ADGRL3: variants seen among roughly 807,000 people sequenced by gnomAD.
ADGRL3 encodes adhesion G protein-coupled receptor L3.
A neutral mutation model predicts 153.5 loss-of-function variants in ADGRL3; 62 were observed. The observed-to-expected ratio is 0.40, with a 90% CI of 0.33 to 0.50. The LOEUF (loss-of-function observed/expected upper bound fraction) is 0.50, where lower values mean the gene tolerates loss of function less well. ADGRL3 is among the 20% of genes least tolerant of loss of function. The pLI, the probability that ADGRL3 is intolerant of heterozygous loss-of-function variation, is 0.47. For missense variants in ADGRL3, 1,641 were observed against 1,859.4 expected (o/e 0.88, Z 2.16); for synonymous variants, 710 against 672.5 (o/e 1.06, Z -0.86).
At chr4:61,994,554 A>C (rs150145534) in intron 19 of ADGRL3, among the ~76,000 whole-genome samples, 1 of 151,916 alleles carries the variant, frequency 6.6e-6, no homozygotes, top group Non-Finnish European at 1.5e-5. Flanking sequence ...TAAACGTTAT[A>C]GCAAAGTAAA....
intron 1 of ADGRL3, among the ~76,000 whole-genome samples, chr4:61,323,736 C>G (rs1167815300): frequency 3.3e-5 from 5 of 152,196 alleles, no homozygotes; most frequent in Admixed American, 6.5e-5. Flanking sequence ...CAACAAGTCA[C>G]TAGGTGGTTC....
chr4:61,892,333 G>A (rs1009599497), intron 9 of ADGRL3, among the ~76,000 whole-genome samples: 1 of 152,020 alleles, frequency 6.6e-6, no homozygotes, highest in African/African-American at 2.4e-5. Context: ...TCATCTAATT[G>A]TCAAAAAGGC....
At chr4:61,855,542 T>A (rs1581162407) in intron 9 of ADGRL3, among the ~76,000 whole-genome samples, 2 of 152,274 alleles carry the variant, frequency 1.3e-5, no homozygotes, top group East Asian at 3.9e-4. Flanking sequence ...GAAATACTGA[T>A]AAACATTATT....
chr4:61,892,531 G>A, intron 9 of ADGRL3, 125 bp from the exon 10 acceptor site: 1 of 675,800 alleles, frequency 1.5e-6, no homozygotes, highest in Non-Finnish European at 2.5e-6. Flanking sequence ...AAATCAGGTT[G>A]AAGACTTCTA....
chr4:61,706,757 A>G (rs892685853), intron 6 of ADGRL3, among the ~76,000 whole-genome samples: 1 of 152,180 alleles, frequency 6.6e-6, no homozygotes, highest in Non-Finnish European at 1.5e-5. Context: ...TATCCAGTTC[A>G]CTAAAACTTT....
intron 2 of ADGRL3, among the ~76,000 whole-genome samples, chr4:61,465,140 G>A (rs926127296): frequency 2.0e-5 from 3 of 152,090 alleles, no homozygotes; most frequent in Admixed American, 6.6e-5. Flanking sequence ...TGATGAAAAA[G>A]CCTAGTTAAT....
chr4:61,464,554 TTTAA>T lies in ADGRL3; in HGVS notation c.-173-32562_-173-32559del, dbSNP rs1197084567. ...TTTAATTCAGACTTTTAGAAAATTT[TTTAA>T]TTAAAGTTTGAAAATCAGAGTCTTT... On this transcript the variant is annotated intron_variant, in intron 2 of 26. Transcript: ENST00000683033. 2.6e-5 allele frequency among the ~76,000 whole-genome samples: 4 copies of T among 152,304 alleles called. No individual in the cohort carries two copies. In the East Asian group the frequency reaches 7.7e-4, roughly 29 times the overall value.
chr4:61,434,523 T>A (rs920779692), intron 2 of ADGRL3, among the ~76,000 whole-genome samples: 2 of 152,128 alleles, frequency 1.3e-5, no homozygotes, highest in Admixed American at 1.3e-4. Context: ...ATTTTGATTT[T>A]GACCTTTTCT....
At chr4:61,239,367 T>C (rs1337188870) in intron 1 of ADGRL3, among the ~76,000 whole-genome samples, 1 of 152,148 alleles carries the variant, frequency 6.6e-6, no homozygotes, top group Non-Finnish European at 1.5e-5. Context: ...TAGCCATTAG[T>C]ATTCAAAGAG....
At chr4:61,595,078 T>C (rs2098983519) in intron 5 of ADGRL3, among the ~76,000 whole-genome samples, 1 of 152,286 alleles carries the variant, frequency 6.6e-6, no homozygotes, top group Admixed American at 6.5e-5. Flanking sequence ...TATTGCCTTC[T>C]GGCCTAGAGC....
chr4:61,744,618 C>T lies in ADGRL3; in HGVS notation c.1399+11064C>T, dbSNP rs191327902. 1.2e-3 allele frequency among the ~76,000 whole-genome samples: 179 copies of T among 152,308 alleles called. 3 individuals carry two copies. Among genetic ancestry groups the T allele is most frequent in the African/African-American group, 4.0e-3 (166 of 41,566 alleles). On this transcript the variant is annotated intron_variant, in intron 8 of 26. Transcript: ENST00000683033. ...CCAGGCAAACAGGGTCTGGAGTGGACTTCTAGAAAACTCCAACAGACCTGC... is the reference window on the plus strand; with the variant it reads ...CCAGGCAAACAGGGTCTGGAGTGGATTTCTAGAAAACTCCAACAGACCTGC...
intron 8 of ADGRL3, among the ~76,000 whole-genome samples, chr4:61,781,481 C>T (rs1419045098): frequency 6.6e-6 from 1 of 152,058 alleles, no homozygotes; most frequent in African/African-American, 2.4e-5. Context: ...AGTTTACTTC[C>T]AGAAATATTT....
chr4:61,637,091 G>C (rs2093456335), intron 5 of ADGRL3, among the ~76,000 whole-genome samples: 1 of 152,120 alleles, frequency 6.6e-6, no homozygotes, highest in African/African-American at 2.4e-5. Context: ...GAGAGCCACT[G>C]TTACAGGTTG....
chr4:61,830,206 C>T (rs747056295), intron 9 of ADGRL3, among the ~76,000 whole-genome samples: 9 of 151,774 alleles, frequency 5.9e-5, no homozygotes, highest in Non-Finnish European at 1.0e-4. Context: ...CAGGGTTTTG[C>T]CATGTTGCCC....
At chr4:61,878,707 C>T (rs1217172641) in intron 9 of ADGRL3, among the ~76,000 whole-genome samples, 1 of 152,114 alleles carries the variant, frequency 6.6e-6, no homozygotes, top group Non-Finnish European at 1.5e-5. Context: ...TCTTCTGTGT[C>T]ACATGCTGCT....
chr4:61,433,320 A>T (rs2097398450), intron 2 of ADGRL3, among the ~76,000 whole-genome samples: 2 of 151,004 alleles, frequency 1.3e-5, no homozygotes, highest in Non-Finnish European at 2.9e-5. Context: ...ATAGCTTTTG[A>T]TCTTAGATAA....
At chr4:61,898,009 G>A (rs1317054433) in intron 11 of ADGRL3, among the ~76,000 whole-genome samples, 1 of 152,050 alleles carries the variant, frequency 6.6e-6, no homozygotes, top group Non-Finnish European at 1.5e-5. Context: ...TAAGGCAAGG[G>A]ACACAGCTTA....
At chr4:61,364,932 G>T (rs974870) in intron 1 of ADGRL3, among the ~76,000 whole-genome samples, 13 of 152,078 alleles carry the variant, frequency 8.5e-5, no homozygotes, top group Non-Finnish European at 1.6e-4. Flanking sequence ...ATAATTCAGT[G>T]CTCATATTCT....
intron 1 of ADGRL3, among the ~76,000 whole-genome samples, chr4:61,241,504 G>T (rs188243768): frequency 2.0e-5 from 3 of 152,084 alleles, no homozygotes; most frequent in African/African-American, 7.2e-5. Context: ...TATTTTTAAA[G>T]ATTACTTATT....
Sources: gnomAD v4.1 joint callset for allele counts (sites outside exome capture counted in the v4.1 genomes callset) on GRCh38, gnomAD v4.1.1 for gene constraint, MANE v1.5 for transcripts, NCBI Gene and HGNC (gene_info 2026-07-23, HGNC 2026-07-21) for gene names.